BMERB1: variants seen among roughly 807,000 people sequenced by gnomAD.
The protein encoded by BMERB1 is bMERB domain containing 1, also known as bMERB domain-containing protein 1.
BMERB1 carries 12 observed loss-of-function variants against 23.6 expected under a neutral mutation model. The ratio of observed to expected loss-of-function variants is 0.51; its 90% CI spans 0.33 to 0.82. The LOEUF (loss-of-function observed/expected upper bound fraction) is 0.82. Ranked by LOEUF, BMERB1 falls within the 40% of genes least tolerant of loss-of-function variation. BMERB1 has a pLI of 0.03. For synonymous variants in BMERB1, 122 were observed against 96.6 expected (o/e 1.26, Z -1.54); for missense variants, 247 against 255.4 (o/e 0.97, Z 0.22).
chr16:15,460,255 C>T (rs2051123162), intron 1 of BMERB1, among the ~76,000 whole-genome samples: 2 of 152,084 alleles, frequency 1.3e-5, no homozygotes, highest in Admixed American at 6.6e-5. Flanking sequence ...AATGACCCTA[C>T]CTAAGAAAGA....
chr16:15,583,577 CAAAAAAAAAAAA>C (rs35021259), intron 5 of BMERB1, among the ~76,000 whole-genome samples: 11 of 61,870 alleles, frequency 1.8e-4, no homozygotes, highest in African/African-American at 4.6e-4. Flanking sequence ...GACTTTGTCT[CAAAAAAAAAAAA>C]AAAAAAAAAG....
chr16:15,481,741 A>ATTT (rs2051322322), intron 1 of BMERB1, among the ~76,000 whole-genome samples: 1 of 142,026 alleles, frequency 7.0e-6, no homozygotes, highest in African/African-American at 2.7e-5. Flanking sequence ...TTTTTTTTTG[A>ATTT]GATGGAGTCT....
rs551229498 is a variant in BMERB1, at chr16:15,504,016, A to AT, written c.107-11288dup. ...TTATTAAATGTATATAAGAGCAAACATATGTTACAGAGAACTTTCTGTATG... is the reference window on the plus strand; with the variant it reads ...TTATTAAATGTATATAAGAGCAAACATTATGTTACAGAGAACTTTCTGTATG... On this transcript the variant is annotated intron_variant, in intron 1 of 5. Coordinates refer to ENST00000300006, the MANE Select transcript of BMERB1 (RefSeq NM_033201.3). 4.1e-3 allele frequency among the ~76,000 whole-genome samples: 622 copies of AT among 152,122 alleles called. 3 individuals are homozygous for AT. The highest frequency in any genetic ancestry group is 0.034 in the Middle Eastern group (10 of 294).
chr16:15,547,826 G>T (rs1390126230), intron 2 of BMERB1, among the ~76,000 whole-genome samples: 2 of 152,188 alleles, frequency 1.3e-5, no homozygotes, highest in East Asian at 1.9e-4. Context: ...TTGACTAGCT[G>T]TGTGATTCCG....
chr16:15,580,825 G>T (rs193009146), intron 3 of BMERB1, among the ~76,000 whole-genome samples: 1 of 151,200 alleles, frequency 6.6e-6, no homozygotes, highest in Non-Finnish European at 1.5e-5. Flanking sequence ...GATTACAGGT[G>T]TGAGCCACCG....
intron 3 of BMERB1, among the ~76,000 whole-genome samples, chr16:15,569,284 G>T (rs1206642645): frequency 1.3e-5 from 2 of 152,092 alleles, no homozygotes; most frequent in Non-Finnish European, 2.9e-5. Flanking sequence ...AGTCCTGCAG[G>T]CTGTACCAGA....
At chr16:15,495,142 C>T (rs371264195) in intron 1 of BMERB1, among the ~76,000 whole-genome samples, 7 of 151,956 alleles carry the variant, frequency 4.6e-5, no homozygotes, top group Admixed American at 1.3e-4. Context: ...CCTCGGCCTT[C>T]CAAAGTGCTG....
At chr16:15,438,728 G>A (rs2050910427) in intron 1 of BMERB1, among the ~76,000 whole-genome samples, 2 of 152,314 alleles carry the variant, frequency 1.3e-5, no homozygotes, top group Non-Finnish European at 2.9e-5. Context: ...CCAAAGGGCC[G>A]TGATTACAGA....
At chr16:15,459,671 G>A (rs1349368577) in intron 1 of BMERB1, among the ~76,000 whole-genome samples, 1 of 152,176 alleles carries the variant, frequency 6.6e-6, no homozygotes, top group Non-Finnish European at 1.5e-5. Context: ...AAATTACAGT[G>A]TGTTTTCAGA....
chr16:15,578,523 G>T (rs891905061), intron 3 of BMERB1, among the ~76,000 whole-genome samples: 1 of 152,084 alleles, frequency 6.6e-6, no homozygotes, highest in East Asian at 1.9e-4. Context: ...ATAAACTGGG[G>T]AAAACTATTT....
At chr16:15,561,729 C>T (rs1285461283) in intron 2 of BMERB1, among the ~76,000 whole-genome samples, 1 of 152,054 alleles carries the variant, frequency 6.6e-6, no homozygotes, top group Non-Finnish European at 1.5e-5. Context: ...TCTGTCTCTA[C>T]AAAAAATTTA....
chr16:15,444,123 G>GTTTTTTTTT (rs150793082), intron 1 of BMERB1, among the ~76,000 whole-genome samples: 671 of 35,572 alleles, frequency 0.019, 147 homozygotes, highest in Non-Finnish European at 0.024. Flanking sequence ...CACCAGCTTT[G>GTTTTTTTTT]TTTTTTTTTT....
chr16:15,541,097 G>A (rs1056786944), intron 2 of BMERB1, among the ~76,000 whole-genome samples: 4 of 151,944 alleles, frequency 2.6e-5, no homozygotes, highest in East Asian at 3.9e-4. Context: ...GGGTTCCCAC[G>A]ACCACCTCCT....
intron 2 of BMERB1, among the ~76,000 whole-genome samples, chr16:15,518,235 G>A (rs1276479315): frequency 6.6e-6 from 1 of 152,156 alleles, no homozygotes; most frequent in Non-Finnish European, 1.5e-5. Context: ...GTAGACCCTA[G>A]GATAAATCAA....
chr16:15,442,499 G>A (rs2050948045), intron 1 of BMERB1, among the ~76,000 whole-genome samples: 2 of 152,108 alleles, frequency 1.3e-5, no homozygotes, highest in South Asian at 4.1e-4. Context: ...GTTGAGTAAT[G>A]TCTGCTCATA....
intron 1 of BMERB1, among the ~76,000 whole-genome samples, chr16:15,486,938 A>T (rs1322787541): frequency 1.3e-5 from 2 of 152,338 alleles, no homozygotes; most frequent in East Asian, 3.9e-4. Flanking sequence ...GTGTTAATGT[A>T]AGTAAAATGC....
At chr16:15,577,958 T>C (rs1276792989) in intron 3 of BMERB1, among the ~76,000 whole-genome samples, 1 of 152,252 alleles carries the variant, frequency 6.6e-6, no homozygotes, top group East Asian at 1.9e-4. Flanking sequence ...TTTCTGTCTG[T>C]TGGGAGATGG....
At chr16:15,475,299 G>T (rs888896253) in intron 1 of BMERB1, among the ~76,000 whole-genome samples, 8 of 152,118 alleles carry the variant, frequency 5.3e-5, no homozygotes, top group African/African-American at 1.4e-4. Flanking sequence ...CAGGAGTACA[G>T]ACTAGCCTTG....
At chr16:15,476,496 G>T (rs2051276112) in intron 1 of BMERB1, among the ~76,000 whole-genome samples, 1 of 152,206 alleles carries the variant, frequency 6.6e-6, no homozygotes, top group Non-Finnish European at 1.5e-5. Flanking sequence ...TGCCAGGTGG[G>T]TGTGGAGGTT....
Sources: gnomAD v4.1 joint callset for allele counts (sites outside exome capture counted in the v4.1 genomes callset) on GRCh38, gnomAD v4.1.1 for gene constraint, MANE v1.5 for transcripts, NCBI Gene and HGNC (gene_info 2026-07-23, HGNC 2026-07-21) for gene names.